TENM3: variants seen among roughly 807,000 people sequenced by gnomAD.
The protein encoded by TENM3 is teneurin transmembrane protein 3.
In TENM3, 63 loss-of-function variants were observed where a neutral mutation model predicts 255.1. The ratio of observed to expected loss-of-function variants is 0.25; its 90% confidence interval spans 0.20 to 0.30. TENM3 has a LOEUF of 0.30. TENM3 is among the 10% of genes least tolerant of loss of function. The pLI is 1.00. For synonymous variants in TENM3, 1,306 were observed against 1,322.3 expected (o/e 0.99, Z 0.27); for missense variants, 2,929 against 3,461.1 (o/e 0.85, Z 3.86).
At chr4:181,621,747 A>G in the TENM3 span, among the ~76,000 whole-genome samples, 1 of 152,212 alleles carries the variant, frequency 6.6e-6, no homozygotes, top group African/African-American at 2.4e-5. Context: ...AGAAGGGAAA[A>G]GATCCAACCA....
At chr4:182,005,066 A>T in the TENM3 span, among the ~76,000 whole-genome samples, 4,486 of 152,226 alleles carry the variant, frequency 0.029, 201 homozygotes, top group African/African-American at 0.1. Context: ...GAAGCTCTTT[A>T]GTTTAATTAA....
intron 3 of TENM3, among the ~76,000 whole-genome samples, chr4:182,386,890 C>G (rs1302929834): frequency 1.3e-5 from 2 of 152,242 alleles, no homozygotes; most frequent in African/African-American, 4.8e-5. Flanking sequence ...GCCCCCTGTT[C>G]CACGGCGCCC....
rs114414577 is a variant in TENM3, at chr4:182,700,785, A to G, written c.2221+12434A>G. 9.1e-3 allele frequency among the ~76,000 whole-genome samples: 1,390 copies of G among 152,304 alleles called. 30 individuals are homozygous for G. Among genetic ancestry groups the G allele is most frequent in the African/African-American group, 0.031 (1,281 of 41,566 alleles). Reference sequence around the variant, plus strand: ...GGGGAATCTACTACATCTAAATGTGATATAATGTCTTCCTTTAACAACAGA... The same window carrying G: ...GGGGAATCTACTACATCTAAATGTGGTATAATGTCTTCCTTTAACAACAGA... On this transcript the variant is annotated intron_variant, in intron 12 of 27. Transcript: ENST00000511685.
chr4:182,105,318 G>T, the TENM3 span, among the ~76,000 whole-genome samples: 1 of 152,154 alleles, frequency 6.6e-6, no homozygotes, highest in African/African-American at 2.4e-5. Context: ...ATCCTCCCAG[G>T]AAGTTCTGAG....
At chr4:182,642,908 T>C (rs1752435192) in intron 5 of TENM3, among the ~76,000 whole-genome samples, 1 of 152,192 alleles carries the variant, frequency 6.6e-6, no homozygotes, top group African/African-American at 2.4e-5. Context: ...TGAAATAATA[T>C]TAGCCTTAAA....
the TENM3 span, among the ~76,000 whole-genome samples, chr4:181,535,836 C>A: frequency 1.3e-5 from 2 of 152,142 alleles, no homozygotes; most frequent in Admixed American, 6.5e-5. Flanking sequence ...CCAGATAAGT[C>A]TTCTCCAACC....
chr4:181,837,737 A>T, the TENM3 span, among the ~76,000 whole-genome samples: 1 of 152,198 alleles, frequency 6.6e-6, no homozygotes, highest in Admixed American at 6.5e-5. Context: ...GTTCTAGCCC[A>T]AAAGTGGCTC....
chr4:182,361,692 C>T (rs1467299542), intron 3 of TENM3, among the ~76,000 whole-genome samples: 1 of 151,792 alleles, frequency 6.6e-6, no homozygotes, highest in Admixed American at 6.6e-5. Flanking sequence ...GTAGTTTGAT[C>T]GTCTGAAGCC....
the TENM3 span, among the ~76,000 whole-genome samples, chr4:182,020,322 C>A: frequency 6.6e-6 from 1 of 151,720 alleles, no homozygotes; most frequent in African/African-American, 2.4e-5. Context: ...GCTGAGATCA[C>A]GCCATTGCAC....
At chr4:181,529,786 G>A in the TENM3 span, among the ~76,000 whole-genome samples, 1 of 152,180 alleles carries the variant, frequency 6.6e-6, no homozygotes, top group Non-Finnish European at 1.5e-5. Flanking sequence ...GAGTTCAATA[G>A]GCACGGTGCT....
At chr4:181,563,160 T>C in the TENM3 span, among the ~76,000 whole-genome samples, 2 of 152,146 alleles carry the variant, frequency 1.3e-5, no homozygotes, top group East Asian at 3.9e-4. Flanking sequence ...CCTCACAGTT[T>C]TGGGGAGTAG....
rs1223139538 is a variant in TENM3 at position 182,548,899 on chromosome 4, TC to T, written c.512-52021del. On this transcript the variant is annotated intron_variant, in intron 3 of 27. Coordinates refer to ENST00000511685, the MANE Select transcript of TENM3 (RefSeq NM_001080477.4). ...CATCCCCTCTTCCCACCCTTCCCCA[TC>T]CCCTACCATGGCAACTAGACTCTTA... 3 of 150,322 alleles carry T rather than the reference TC, an allele frequency of 2.0e-5. No homozygotes were observed. In the East Asian group the frequency reaches 6.2e-4, roughly 31 times the overall value. The allele number at this position is 150,322 out of a possible 1,614,324, so 9.3% of individuals were successfully genotyped here.
At chr4:182,788,645 A>G (rs1186793825) in intron 24 of TENM3, among the ~76,000 whole-genome samples, 3 of 152,206 alleles carry the variant, frequency 2.0e-5, no homozygotes, top group Non-Finnish European at 2.9e-5. Flanking sequence ...GTGGGTTCCA[A>G]CTTCTACTTA....
intron 1 of TENM3, among the ~76,000 whole-genome samples, chr4:182,200,523 T>A (rs1423976503): frequency 6.6e-6 from 1 of 152,220 alleles, no homozygotes; most frequent in Non-Finnish European, 1.5e-5. Context: ...TGCCTTTTAA[T>A]GGGAAATATG....
At chr4:181,480,460 C>T in the TENM3 span, among the ~76,000 whole-genome samples, 2 of 152,180 alleles carry the variant, frequency 1.3e-5, no homozygotes, top group South Asian at 4.1e-4. Flanking sequence ...GTTAACCAAA[C>T]ATACGATTCA....
At chr4:181,666,590 T>C in the TENM3 span, among the ~76,000 whole-genome samples, 1 of 152,176 alleles carries the variant, frequency 6.6e-6, no homozygotes, top group East Asian at 1.9e-4. Context: ...CTATGTAGAC[T>C]ACAAGGCTTA....
At chr4:182,734,239 G>A (rs1003193959) in intron 16 of TENM3, among the ~76,000 whole-genome samples, 3 of 152,152 alleles carry the variant, frequency 2.0e-5, no homozygotes, top group African/African-American at 7.2e-5. Context: ...TTGAAGATGT[G>A]TAAGCAACAG....
intron 6 of TENM3, among the ~76,000 whole-genome samples, chr4:182,668,288 A>G (rs905233927): frequency 6.6e-6 from 1 of 152,152 alleles, no homozygotes; most frequent in Non-Finnish European, 1.5e-5. Flanking sequence ...ATATTTGGGT[A>G]TGTGAGAGGT....
the TENM3 span, among the ~76,000 whole-genome samples, chr4:182,122,019 A>T: frequency 2.6e-5 from 4 of 152,256 alleles, no homozygotes; most frequent in African/African-American, 9.6e-5. Flanking sequence ...TGTTCACAAC[A>T]TCTTCACCAG....
Sources: gnomAD v4.1 joint callset for allele counts (sites outside exome capture counted in the v4.1 genomes callset) on GRCh38, gnomAD v4.1.1 for gene constraint, MANE v1.5 for transcripts, NCBI Gene and HGNC (gene_info 2026-07-23, HGNC 2026-07-21) for gene names.